Variants in B4GALT3 observed in about 807,000 individuals in gnomAD.
The protein encoded by B4GALT3 is beta-1,4-galactosyltransferase 3.
B4GALT3 carries 29 observed loss-of-function variants against 40.7 expected under a neutral mutation model. That is an observed-to-expected ratio of 0.71 (90% CI 0.53 to 0.97). B4GALT3 has a LOEUF of 0.97. Among genes scored for constraint, B4GALT3 ranks in the 50% least tolerant of loss-of-function variants. B4GALT3 has a pLI of 0.00. For synonymous variants in B4GALT3, 182 were observed against 203.9 expected (o/e 0.89, Z 0.92); for missense variants, 390 against 522.3 (o/e 0.75, Z 2.47).
intron 6 of B4GALT3, 104 bp from the exon 7 acceptor site, chr1:161,172,435 C>CA: frequency 1.0e-6 from 1 of 968,444 alleles, no homozygotes. Context: ...ACTTAGTAGG[C>CA]AAAAGAAAAA....
At chr1:161,176,661 C>T (rs1472589903) in intron 1 of B4GALT3, 82 bp from the exon 2 acceptor site, 1 of 593,058 alleles carries the variant, frequency 1.7e-6, no homozygotes. Flanking sequence ...TCCCAGCAGG[C>T]GAAGTGAAGG....
intron 4 of B4GALT3, among the ~76,000 whole-genome samples, chr1:161,174,511 T>C (rs1489564451): frequency 1.3e-5 from 2 of 152,234 alleles, no homozygotes; most frequent in Non-Finnish European, 2.9e-5. Flanking sequence ...ATTTTTCCAC[T>C]TAGTCATTTG....
chr1:161,172,970 A>C (rs140720056), intron 6 of B4GALT3, among the ~76,000 whole-genome samples: 1 of 152,316 alleles, frequency 6.6e-6, no homozygotes, highest in East Asian at 1.9e-4. Flanking sequence ...AGAAGCATGG[A>C]GTGCAGATGG....
intron 6 of B4GALT3, chr1:161,172,556 A>C: frequency 2.0e-6 from 1 of 506,828 alleles, no homozygotes; most frequent in East Asian, 3.3e-5. Context: ...AGGGCCTTTA[A>C]ACAGTTGGCA....
In B4GALT3 at chr1:161,176,303, C is replaced by G. The variant is rs549328744; in HGVS notation, c.-15+131G>C. The stretch of plus-strand genomic sequence containing the variant: ...AGTTTCGCTCTCCTCTACCTCCCCC[C>G]AAACCACTCCCACCATCTACTGTCA... On this transcript the variant is annotated intron_variant, in intron 2 of 7. Transcript: ENST00000319769. The G allele has an allele frequency of 7.2e-4, 417 of 582,794 alleles. 3 individuals carry two copies. The highest frequency in any genetic ancestry group is 7.0e-3 in the African/African-American group (377 of 53,718). The allele number at this position is 582,794 out of a possible 1,614,324, so 36.1% of individuals were successfully genotyped here. A position where few individuals can be genotyped will look rare whatever the true frequency, so the allele number is the denominator to read the frequency against.
At chr1:161,176,754 C>A in intron 1 of B4GALT3, 175 bp from the exon 2 acceptor site, 2 of 969,520 alleles carry the variant, frequency 2.1e-6, no homozygotes, top group Non-Finnish European at 1.6e-6. Context: ...TGATAAGTGT[C>A]AGGTTCATAC....
chr1:161,177,129 A>G, intron 1 of B4GALT3: 2 of 1,487,470 alleles, frequency 1.3e-6, no homozygotes, highest in Non-Finnish European at 1.8e-6. Context: ...GGAGAGGGAG[A>G]GCAGGGGCAG....
intron 3 of B4GALT3, among the ~76,000 whole-genome samples, chr1:161,175,483 A>G (rs1268610317): frequency 6.6e-6 from 1 of 152,104 alleles, no homozygotes; most frequent in African/African-American, 2.4e-5. Context: ...CAGGGTTGGA[A>G]GCTATAGTTG....
In B4GALT3 at chr1:161,171,495, C is replaced by T; in HGVS notation, c.*321G>A. Reference sequence around the variant, plus strand: ...AGGTCCGAGGAGAAGCCAGATCACTCTTCTCTCCATGGAAGAGGGAGGGGC... The same window carrying T: ...AGGTCCGAGGAGAAGCCAGATCACTTTTCTCTCCATGGAAGAGGGAGGGGC... On this transcript the variant is annotated 3_prime_UTR_variant, in exon 8 of 8. Transcript: ENST00000319769. The T allele has an allele frequency of 1.7e-6, 1 of 581,146 alleles. No homozygotes were observed. The highest frequency in any genetic ancestry group is 3.0e-6 in the Non-Finnish European group (1 of 330,046). 36.0% of individuals were successfully genotyped at this position (581,146 alleles called of 1,614,324 possible). A position where few individuals can be genotyped will look rare whatever the true frequency, so the allele number is the denominator to read the frequency against.
chr1:161,172,182 T>G (rs766921603), intron 7 of B4GALT3, 45 bp downstream of exon 7: 1 of 1,612,810 alleles, frequency 6.2e-7, no homozygotes, highest in Non-Finnish European at 8.5e-7. Flanking sequence ...TACAGAACCC[T>G]GAGGATCCAG....
At chr1:161,172,390 T>A in intron 6 of B4GALT3, 59 bp from the exon 7 acceptor site, 1 of 1,475,698 alleles carries the variant, frequency 6.8e-7, no homozygotes, top group Non-Finnish European at 9.3e-7. Flanking sequence ...AAGGAAGGGA[T>A]TAAATGTTTC....
Position 161,171,325 on chromosome 1 carries a change from T to C in B4GALT3, c.*491A>G. 3 of 1,319,768 alleles carry C rather than the reference T, an allele frequency of 2.3e-6. No individual in the cohort carries two copies. The highest frequency in any genetic ancestry group is 3.2e-6 in the Non-Finnish European group (3 of 945,024). The allele number at this position is 1,319,768 out of a possible 1,614,324, so 81.8% of individuals were successfully genotyped here. On this transcript the variant is annotated 3_prime_UTR_variant, in exon 8 of 8. Coordinates refer to ENST00000319769, the MANE Select transcript of B4GALT3 (RefSeq NM_003779.4). ...CAGGAGCAGATGCGAGACAAAGTCC[T>C]TTATTAGAAAATATATCAAAATCCC...
Position 161,171,598 on chromosome 1 carries a change from C to A in B4GALT3, c.*218G>T. The A allele has an allele frequency of 3.1e-6, 2 of 640,674 alleles. No homozygotes were observed. Among genetic ancestry groups the A allele is most frequent in the South Asian group, 4.0e-5 (2 of 49,572 alleles). The allele number at this position is 640,674 out of a possible 1,614,324, so 39.7% of individuals were successfully genotyped here. A position where few individuals can be genotyped will look rare whatever the true frequency, so the allele number is the denominator to read the frequency against. On this transcript the variant is annotated 3_prime_UTR_variant, in exon 8 of 8. Transcript: ENST00000319769. ...ACATAAAATCATGACATCAAGGATT[C>A]ACAGTCATAAGCCCTACAGGAGACC...
At position 161,171,511 on chromosome 1, in the gene B4GALT3, A is replaced by C; in HGVS notation, c.*305T>G. On this transcript the variant is annotated 3_prime_UTR_variant, in exon 8 of 8. Coordinates refer to ENST00000319769, the MANE Select transcript of B4GALT3 (RefSeq NM_003779.4). ...CAGATCACTCTTCTCTCCATGGAAG[A>C]GGGAGGGGCTTGGGGTCCAGCCCTG... 1 of 577,598 alleles carries C rather than the reference A, an allele frequency of 1.7e-6. No individual in the cohort carries two copies. The highest frequency in any genetic ancestry group is 3.1e-6 in the Non-Finnish European group (1 of 327,332). The allele number at this position is 577,598 out of a possible 1,614,324, so 35.8% of individuals were successfully genotyped here.
Position 161,175,146 on chromosome 1 carries a change from G to GC in B4GALT3, c.335dup (p.Arg113ProfsTer8). ...GCTCACAACCTGCAGGGCGGTACCG[G>GC]CCCCCTGGTTCTACCCGGGGATTCC... On this transcript the variant is annotated frameshift_variant, in exon 4 of 8. Transcript: ENST00000319769. LOFTEE classifies it high-confidence loss of function. 1 of 1,613,870 alleles carries GC rather than the reference G, an allele frequency of 6.2e-7. No homozygotes were observed.
intron 3 of B4GALT3, 27 bp from the exon 4 acceptor site, chr1:161,175,255 G>A (rs770527410): frequency 6.3e-7 from 1 of 1,583,370 alleles, no homozygotes; most frequent in Non-Finnish European, 8.7e-7. Flanking sequence ...GCAAGTAGAG[G>A]GATCAGAGGG....
Position 161,171,650 on chromosome 1 carries a change from C to T in B4GALT3, c.*166G>A. On this transcript the variant is annotated 3_prime_UTR_variant, in exon 8 of 8. Transcript: ENST00000319769. Reference sequence around the variant, plus strand: ...TAGAGAGAGGGACCCCTCAGGTCTACAGGAGCCCAGCTCCAGTCCAGCAGT... The same window carrying T: ...TAGAGAGAGGGACCCCTCAGGTCTATAGGAGCCCAGCTCCAGTCCAGCAGT... The T allele has an allele frequency of 3.1e-6, 3 of 958,674 alleles. No homozygotes were observed. Among genetic ancestry groups the T allele is most frequent in the Non-Finnish European group, 3.0e-6 (2 of 656,850 alleles). The allele number at this position is 958,674 out of a possible 1,614,324, so 59.4% of individuals were successfully genotyped here.
chr1:161,174,850 C>T, intron 4 of B4GALT3, 143 bp downstream of exon 4: 5 of 797,344 alleles, frequency 6.3e-6, no homozygotes, highest in African/African-American at 1.8e-5. Flanking sequence ...GTTGGAAGAG[C>T]AGTGCCGGGT....
At chr1:161,176,804 G>C in intron 1 of B4GALT3, 1 of 1,490,460 alleles carries the variant, frequency 6.7e-7, no homozygotes, top group Non-Finnish European at 9.0e-7. Flanking sequence ...GGACAGATTG[G>C]GGAGTGGGGA....
Sources: allele counts gnomAD v4.1 joint callset (sites outside exome capture counted in the v4.1 genomes callset), GRCh38; gene constraint gnomAD v4.1.1; transcripts MANE v1.5; gene names NCBI Gene and HGNC (gene_info 2026-07-23, HGNC 2026-07-21).